Variants in SDC3 observed in about 807,000 individuals in gnomAD.
SDC3 encodes the protein syndecan-3.
Under a neutral mutation model 24.4 loss-of-function variants are expected in SDC3, and 13 were observed. The ratio of observed to expected loss-of-function variants is 0.53; its 90% CI spans 0.35 to 0.85. SDC3 has a LOEUF of 0.85. Among genes scored for constraint, SDC3 ranks in the 40% least tolerant of loss-of-function variants. The pLI, the probability that SDC3 is intolerant of heterozygous loss-of-function variation, is 0.01. For synonymous variants in SDC3, 295 were observed against 260.9 expected (o/e 1.13, Z -1.26); for missense variants, 571 against 584.5 (o/e 0.98, Z 0.24).
At position 30,908,527 on chromosome 1, in the gene SDC3, CCCGGCCCCGGCG is replaced by C. The variant is rs1033203306; in HGVS notation, c.48_59del (p.Gly18_Ala21del). Reference sequence around the variant, plus strand: ...CGCGGGCCCCGGGCCCGGCCGCGGCCCCGGCCCCGGCGCCGGCCCCGTGGGCGGCCCCGGCAC... The same window carrying C: ...CGCGGGCCCCGGGCCCGGCCGCGGCCCCGGCCCCGTGGGCGGCCCCGGCAC... On this transcript the variant is annotated inframe_deletion, in exon 1 of 5. Transcript: ENST00000339394. The C allele has an allele frequency of 0.016, 15,512 of 965,726 alleles. 151 individuals carry two copies. Among genetic ancestry groups the C allele is most frequent in the Non-Finnish European group, 0.017 (14,284 of 817,736 alleles). 59.8% of individuals were successfully genotyped at this position (965,726 alleles called of 1,614,324 possible). A position where few individuals can be genotyped will look rare whatever the true frequency, so the allele number is the denominator to read the frequency against.
Position 30,873,353 on chromosome 1 carries a change from C to A in SDC3, c.1187G>T (p.Gly396Val), listed in dbSNP as rs776967236. Residue 396 changes from glycine to valine, a missense_variant, in exon 5 of 5, where the codon GGC (glycine) becomes GTC (valine). By Grantham distance (109) the Gly-to-Val change is moderately radical. Around this residue, in one of 2 missense-constraint regions of SDC3, gnomAD observed 74 missense variants for 112.9 expected, o/e 0.66. Transcript: ENST00000339394. The part of the protein sequence containing the change: ...LVAVIVGGVV[G>V]ALFAAFLVTL... ...GACCAAGAAGGCAGCAAAGAGGGCG[C>A]CCACCACCCCGCCCACAATCACAGC... 4 of 1,613,554 alleles carry A rather than the reference C, an allele frequency of 2.5e-6. No homozygotes were observed. Among genetic ancestry groups the A allele is most frequent in the Non-Finnish European group, 2.5e-6 (3 of 1,179,626 alleles).
chr1:30,908,700 T>C lies in SDC3; in HGVS notation c.-114A>G. ...CGGCCCGGCGGCTGGACCGACGCGC[T>C]CTAGGCTCGCGGGCTCCCGGCTCGG... On this transcript the variant is annotated 5_prime_UTR_variant, in exon 1 of 5. Transcript: ENST00000339394. The C allele has an allele frequency of 3.6e-6, 1 of 279,056 alleles. No individual in the cohort carries two copies. The highest frequency in any genetic ancestry group is 1.4e-4 in the South Asian group (1 of 7,308). 17.3% of individuals were successfully genotyped at this position (279,056 alleles called of 1,614,324 possible).
At position 30,905,003 on chromosome 1, in the gene SDC3, C is replaced by T. The variant is rs762954845; in HGVS notation, c.138+3446G>A. 4.3e-4 allele frequency among the ~76,000 whole-genome samples: 65 copies of T among 152,184 alleles called. 1 individual carries two copies. The highest frequency in any genetic ancestry group is 2.0e-3 in the Admixed American group (31 of 15,284). ...TGGAAATCACACAGCAGGTGTCTGT[C>T]CCCAGAGCCCCTGGTACCTTGGGAG... is the stretch of plus-strand genomic sequence containing the variant. On this transcript the variant is annotated intron_variant, in intron 1 of 4. Coordinates refer to ENST00000339394, the MANE Select transcript of SDC3 (RefSeq NM_014654.4).
At chr1:30,890,422 A>T (rs1336874768) in intron 1 of SDC3, among the ~76,000 whole-genome samples, 1 of 152,262 alleles carries the variant, frequency 6.6e-6, no homozygotes, top group African/African-American at 2.4e-5. Flanking sequence ...TTCCATTTAT[A>T]TGAAATGTCT....
chr1:30,901,874 T>C (rs1484110908), intron 1 of SDC3, among the ~76,000 whole-genome samples: 2 of 152,222 alleles, frequency 1.3e-5, no homozygotes. Context: ...TTATTTACTT[T>C]ATTACTTTAT....
At chr1:30,890,580 A>G (rs1418635057) in intron 1 of SDC3, among the ~76,000 whole-genome samples, 1 of 152,232 alleles carries the variant, frequency 6.6e-6, no homozygotes, top group African/African-American at 2.4e-5. Context: ...TGGCTTTACA[A>G]CTATGTAAAT....
intron 1 of SDC3, among the ~76,000 whole-genome samples, chr1:30,898,236 ATACT>A (rs1372705323): frequency 2.6e-5 from 4 of 152,236 alleles, no homozygotes; most frequent in Non-Finnish European, 5.9e-5. Flanking sequence ...GCTCCCTGAT[ATACT>A]GCGACCTTCC....
chr1:30,874,659 C>T (rs1639608632), intron 3 of SDC3, 71 bp from the exon 4 acceptor site: 8 of 1,433,294 alleles, frequency 5.6e-6, no homozygotes, highest in Non-Finnish European at 6.8e-6. Flanking sequence ...CATCCTACTG[C>T]CCTGGGGGGC....
chr1:30,894,472 TGG>T (rs369266640), intron 1 of SDC3, among the ~76,000 whole-genome samples: 10 of 17,178 alleles, frequency 5.8e-4, no homozygotes, highest in African/African-American at 3.6e-3. Flanking sequence ...GATGAGTGTG[TGG>T]GGGGGTGTGG....
intron 1 of SDC3, among the ~76,000 whole-genome samples, chr1:30,901,014 A>G (rs574650125): frequency 1.3e-5 from 2 of 152,290 alleles, no homozygotes; most frequent in African/African-American, 4.8e-5. Context: ...ACCCTGGCTA[A>G]GTAGGGGATG....
intron 1 of SDC3, among the ~76,000 whole-genome samples, chr1:30,897,666 A>C (rs1638300029): frequency 6.6e-6 from 1 of 152,164 alleles, no homozygotes; most frequent in South Asian, 2.1e-4. Context: ...ACACGGCAGC[A>C]TGAAGCAGTG....
At chr1:30,877,189 A>G (rs1478840461) in intron 2 of SDC3, 24 bp from the exon 3 acceptor site, 1 of 1,613,210 alleles carries the variant, frequency 6.2e-7, no homozygotes. Context: ...GGAGAGGGAG[A>G]GAGCTAGGGA....
chr1:30,876,794 T>C lies in SDC3; in HGVS notation c.628A>G (p.Arg210Gly). The change falls in exon 3 of 5, where the codon AGG (arginine) becomes GGG (glycine). Residue 210 changes from arginine to glycine, a missense_variant. Around this residue, in one of 2 missense-constraint regions of SDC3, gnomAD observed 497 missense variants for 471.6 expected, o/e 1.05. Transcript: ENST00000339394. ...TAVIRTTGVR[R>G]LLPLPLTTVA... Reference sequence around the variant, plus strand: ...GTGGTCAGTGGGAGAGGCAGAAGCCTCCGTACGCCAGTGGTCCTTATAACA... The same window carrying C: ...GTGGTCAGTGGGAGAGGCAGAAGCCCCCGTACGCCAGTGGTCCTTATAACA... 6.3e-7 allele frequency: 1 copy of C among 1,597,774 alleles called. No homozygotes were observed. Among genetic ancestry groups the C allele is most frequent in the Non-Finnish European group, 8.5e-7 (1 of 1,170,500 alleles).
In SDC3 at chr1:30,908,317, C is replaced by T. The variant is rs1450575049; in HGVS notation, c.138+132G>A. 3 of 341,054 alleles carry T rather than the reference C, an allele frequency of 8.8e-6. No individual in the cohort carries two copies. In the East Asian group the frequency reaches 6.3e-4, roughly 72 times the overall value. 21.1% of individuals were successfully genotyped at this position (341,054 alleles called of 1,614,324 possible). A position where few individuals can be genotyped will look rare whatever the true frequency, so the allele number is the denominator to read the frequency against. ...GGGAGGGTCGAGGGGTGGCAGGGAC[C>T]GCGGCCCCGGGGGAAGCAGCCGGGG... On this transcript the variant is annotated intron_variant, in intron 1 of 4. Transcript: ENST00000339394.
At chr1:30,903,369 G>A (rs2124344874) in intron 1 of SDC3, among the ~76,000 whole-genome samples, 1 of 152,222 alleles carries the variant, frequency 6.6e-6, no homozygotes, top group Admixed American at 6.5e-5. Flanking sequence ...CCCCTCTCCT[G>A]TGCCCTGACC....
intron 1 of SDC3, among the ~76,000 whole-genome samples, chr1:30,888,236 T>A (rs1022401205): frequency 5.3e-5 from 8 of 152,064 alleles, no homozygotes; most frequent in Admixed American, 5.2e-4. Context: ...AGAGTCAGGA[T>A]GGGATTCAGG....
At chr1:30,878,322 G>A (rs1322210599) in intron 2 of SDC3, 1 of 294,118 alleles carries the variant, frequency 3.4e-6, no homozygotes, top group Non-Finnish European at 6.5e-6. Flanking sequence ...TGCACCTGAC[G>A]GGACCACCGG....
At chr1:30,904,642 G>C (rs1420756090) in intron 1 of SDC3, among the ~76,000 whole-genome samples, 1 of 152,156 alleles carries the variant, frequency 6.6e-6, no homozygotes, top group Non-Finnish European at 1.5e-5. Context: ...TGAGGATAGA[G>C]TCACAGCCCC....
At chr1:30,879,822 G>C (rs529925691) in intron 1 of SDC3, among the ~76,000 whole-genome samples, 1 of 152,286 alleles carries the variant, frequency 6.6e-6, no homozygotes, top group Admixed American at 6.5e-5. Context: ...GAGTCCCCAA[G>C]ATTCCTCAGT....
Sources: gnomAD v4.1 joint callset for allele counts (sites outside exome capture counted in the v4.1 genomes callset) on GRCh38, gnomAD v4.1.1 for gene constraint, gnomAD v4.1.1 regional missense constraint, MANE v1.5 for transcripts, NCBI Gene and HGNC (gene_info 2026-07-23, HGNC 2026-07-21) for gene names.